Variants in SHPRH observed in about 807,000 individuals in gnomAD.
The protein encoded by SHPRH is SNF2 histone linker PHD RING helicase, also known as E3 ubiquitin-protein ligase SHPRH.
SHPRH carries 106 observed loss-of-function variants against 202.5 expected under a neutral mutation model. The observed-to-expected ratio is 0.52, with a 90% CI of 0.45 to 0.62. The LOEUF (loss-of-function observed/expected upper bound fraction) is 0.62, where lower values mean the gene tolerates loss of function less well. Among genes scored for constraint, SHPRH ranks in the 20% least tolerant of loss-of-function variants. The pLI, the probability that SHPRH is intolerant of heterozygous loss-of-function variation, is 0.00. For missense variants in SHPRH, 1,710 were observed against 2,020.0 expected, an observed-to-expected ratio of 0.85 and a Z score of 2.94; for synonymous variants, 729 against 686.0, an observed-to-expected ratio of 1.06 and a Z score of -0.98.
rs373676612 is a variant in SHPRH, at chr6:145,950,216, T to C, written c.982+48A>G. The C allele has an allele frequency of 2.5e-5, 38 of 1,532,884 alleles. No individual in the cohort carries two copies. In the African/African-American group the frequency reaches 3.7e-4, roughly 15 times the overall value. The allele number at this position is 1,532,884 out of a possible 1,614,324, so 95.0% of individuals were successfully genotyped here. A position where few individuals can be genotyped will look rare whatever the true frequency, so the allele number is the denominator to read the frequency against. Reference sequence around the variant, plus strand: ...TTCACCCTGCCCTAATTGTCTCTGATGTAATCTCTCTAATCAATTGGACTT... The same window carrying C: ...TTCACCCTGCCCTAATTGTCTCTGACGTAATCTCTCTAATCAATTGGACTT... On this transcript the variant is annotated intron_variant, in intron 4 of 29. Coordinates refer to ENST00000275233, the MANE Select transcript of SHPRH (RefSeq NM_001042683.3).
chr6:145,893,559 G>A (rs543591381), intron 27 of SHPRH, among the ~76,000 whole-genome samples, 166 bp from the exon 28 acceptor site: 4 of 152,176 alleles, frequency 2.6e-5, no homozygotes, highest in South Asian at 4.1e-4. Flanking sequence ...TAAACTTGTC[G>A]CTTGATTTTA....
At chr6:145,877,836 T>C (rs1780373393) in intron 2 of SHPRH, 1 of 152,236 alleles carries the variant, frequency 6.6e-6, no homozygotes, top group Non-Finnish European at 1.5e-5. Context: ...CAACCAACTG[T>C]CCACCCGAAA....
intron 25 of SHPRH, among the ~76,000 whole-genome samples, chr6:145,898,402 CAT>C (rs1333951102): frequency 1.3e-5 from 2 of 151,940 alleles, no homozygotes; most frequent in Non-Finnish European, 2.9e-5. Context: ...TATTATATAA[CAT>C]AATCTATAGA....
intron 25 of SHPRH, among the ~76,000 whole-genome samples, chr6:145,902,959 AT>A (rs1782631456): frequency 6.6e-6 from 1 of 152,110 alleles, no homozygotes; most frequent in Admixed American, 6.6e-5. Flanking sequence ...TGTGTGTTCA[AT>A]TTACTGCAAG....
chr6:145,917,899 T>C (rs998247473), intron 23 of SHPRH: 7 of 340,908 alleles, frequency 2.1e-5, no homozygotes, highest in African/African-American at 1.3e-4. Context: ...TCCATTTACA[T>C]TGTTCTCTAC....
At chr6:145,943,013 GA>G in intron 9 of SHPRH, 129 bp downstream of exon 9, 1 of 1,098,632 alleles carries the variant, frequency 9.1e-7, no homozygotes, top group Non-Finnish European at 1.3e-6. Flanking sequence ...TTTAAGCTTT[GA>G]TTTAACATTA....
intron 25 of SHPRH, among the ~76,000 whole-genome samples, chr6:145,901,893 G>T (rs1314450415): frequency 1.3e-5 from 2 of 151,928 alleles, no homozygotes; most frequent in Non-Finnish European, 2.9e-5. Context: ...AATGACCAAG[G>T]TCCAGCTTTG....
At chr6:145,894,779 A>G (rs568160872) in intron 26 of SHPRH, 106 bp downstream of exon 26, 17 of 926,924 alleles carry the variant, frequency 1.8e-5, no homozygotes, top group African/African-American at 8.6e-5. Flanking sequence ...TGGATTTGGG[A>G]AAAAAAATCT....
downstream of SHPRH, chr6:145,883,188 T>A (rs1245675212): frequency 2.0e-5 from 3 of 152,268 alleles, no homozygotes; most frequent in Non-Finnish European, 2.9e-5. Flanking sequence ...GGCTGTTTTT[T>A]AATTTCTATT....
rs2128715998 is a variant in SHPRH, at chr6:145,893,589, T to C, written c.4696-196A>G. On this transcript the variant is annotated intron_variant, in intron 27 of 29. Transcript: ENST00000275233. ...ATTTTAATTATGAAGAAAAGTATCA[T>C]ATAAGCTCTCTTGTTCTTCGTAATA... Among the ~76,000 whole-genome samples, 2 of 152,288 alleles carry C rather than the reference T, an allele frequency of 1.3e-5. 1 individual carries two copies. Among genetic ancestry groups the C allele is most frequent in the South Asian group, 4.1e-4 (2 of 4,822 alleles).
At position 145,943,178 on chromosome 6, in the gene SHPRH, T is replaced by C. The variant is rs1786980938; in HGVS notation, c.2203A>G (p.Asn735Asp). 2 of 1,610,750 alleles carry C rather than the reference T, an allele frequency of 1.2e-6. No individual in the cohort carries two copies. The highest frequency in any genetic ancestry group is 1.7e-6 in the Non-Finnish European group (2 of 1,177,976). ...SICHQWVDEI[N>D]RHVRSSSLRV... ...AGAGATGACGACCTCACATGCCTGT[T>C]GATCTCATCCACCCACTGGTGACAG... Residue 735 changes from asparagine to aspartate, a missense_variant, in exon 9 of 30, where the codon AAC becomes GAC. Around this residue, in one of 8 missense-constraint regions of SHPRH, gnomAD observed 277 missense variants for 363.0 expected, o/e 0.76. Transcript: ENST00000275233.
In SHPRH at chr6:145,943,812, A is replaced by G; in HGVS notation, c.1579-10T>C. ...TTGGACTCCCTACTGCCTATGAAAA[A>G]AATATTTAATTAATTGATTGCAACT... is the stretch of plus-strand genomic sequence containing the variant. On this transcript the variant is annotated splice_polypyrimidine_tract_variant and intron_variant, in intron 8 of 29. Coordinates refer to ENST00000275233, the MANE Select transcript of SHPRH (RefSeq NM_001042683.3). 6.5e-7 allele frequency: 1 copy of G among 1,546,452 alleles called. No individual in the cohort carries two copies. The highest frequency in any genetic ancestry group is 8.7e-7 in the Non-Finnish European group (1 of 1,154,024).
chr6:145,886,178 T>A lies in SHPRH; in HGVS notation c.*513A>T. 1 of 291,610 alleles carries A rather than the reference T, an allele frequency of 3.4e-6. No homozygotes were observed. The highest frequency in any genetic ancestry group is 6.6e-6 in the Non-Finnish European group (1 of 151,740). 18.1% of individuals were successfully genotyped at this position (291,610 alleles called of 1,614,324 possible). On this transcript the variant is annotated 3_prime_UTR_variant, in exon 30 of 30. Transcript: ENST00000275233. ...TGTATTACTGCAAAATTACTAGGTG[T>A]AAAGTTATGGTATAAGCCTACTCAA... is the stretch of plus-strand genomic sequence containing the variant.
intron 21 of SHPRH, 71 bp downstream of exon 21, chr6:145,921,096 A>C (rs1784397004): frequency 3.0e-6 from 4 of 1,326,428 alleles, no homozygotes; most frequent in Admixed American, 4.7e-5. Flanking sequence ...GAGAGAGAAA[A>C]AAGTAGCAGT....
At chr6:145,903,881 G>C (rs1163044549) in intron 25 of SHPRH, 1 of 152,044 alleles carries the variant, frequency 6.6e-6, no homozygotes, top group African/African-American at 2.4e-5. Flanking sequence ...GCAGTTGTCA[G>C]AACTTGCAAG....
intron 8 of SHPRH, among the ~76,000 whole-genome samples, chr6:145,944,020 T>C (rs1431850809): frequency 6.6e-6 from 1 of 152,062 alleles, no homozygotes; most frequent in Non-Finnish European, 1.5e-5. Flanking sequence ...AGTGTCAGAT[T>C]TGGAGAGATG....
intron 6 of SHPRH, among the ~76,000 whole-genome samples, chr6:145,946,899 T>C (rs1484188609): frequency 6.6e-6 from 1 of 152,018 alleles, no homozygotes; most frequent in Non-Finnish European, 1.5e-5. Flanking sequence ...TTCAGCAAGA[T>C]TTAATGTAAG....
intron 3 of SHPRH, 56 bp from the exon 4 acceptor site, chr6:145,950,538 G>T: frequency 6.6e-7 from 1 of 1,525,786 alleles, no homozygotes. Flanking sequence ...CTAACTATAA[G>T]CAATTCTTAT....
At chr6:145,894,671 T>C (rs1781857304) in intron 26 of SHPRH, among the ~76,000 whole-genome samples, 1 of 152,030 alleles carries the variant, frequency 6.6e-6, no homozygotes, top group African/African-American at 2.4e-5. Flanking sequence ...ATGAAACTAA[T>C]AAAAAGTCAT....
Sources: allele counts gnomAD v4.1 joint callset (sites outside exome capture counted in the v4.1 genomes callset), GRCh38; gene constraint gnomAD v4.1.1; regional missense constraint gnomAD v4.1.1; transcripts MANE v1.5; gene names NCBI Gene and HGNC (gene_info 2026-07-23, HGNC 2026-07-21).